Variants in CFAP54 observed in about 807,000 individuals in gnomAD.
CFAP54 encodes cilia- and flagella-associated protein 54.
Under a neutral mutation model 370.4 loss-of-function variants are expected in CFAP54, and 290 were observed. That is an observed-to-expected ratio of 0.78 (90% confidence interval 0.71 to 0.86). The LOEUF (loss-of-function observed/expected upper bound fraction) is 0.86. Ranked by LOEUF, CFAP54 falls within the 40% of genes least tolerant of loss-of-function variation. The pLI is 0.00. For missense variants in CFAP54, 3,399 were observed against 3,528.7 expected, an observed-to-expected ratio of 0.96 and a Z score of 0.93; for synonymous variants, 1,206 against 1,236.5, an observed-to-expected ratio of 0.98 and a Z score of 0.52.
intron 55 of CFAP54, among the ~76,000 whole-genome samples, chr12:96,749,256 C>T (rs1282555323): frequency 1.3e-5 from 2 of 152,144 alleles, no homozygotes; most frequent in African/African-American, 4.8e-5. Flanking sequence ...AAGGGGCAGA[C>T]AGGCTTTCTC....
intron 55 of CFAP54, among the ~76,000 whole-genome samples, chr12:96,744,485 T>G (rs2136644972): frequency 6.6e-6 from 1 of 152,326 alleles, no homozygotes; most frequent in African/African-American, 2.4e-5. Context: ...TCAGTAACTT[T>G]ACTGAAAAAA....
At chr12:96,645,389 C>A (rs1004156561) in intron 33 of CFAP54, 9 of 291,218 alleles carry the variant, frequency 3.1e-5, no homozygotes, top group African/African-American at 2.0e-4. Context: ...ATCCAACTTA[C>A]AAGGGATGTG....
chr12:96,744,943 T>C (rs912579327), intron 55 of CFAP54, among the ~76,000 whole-genome samples: 1 of 152,186 alleles, frequency 6.6e-6, no homozygotes, highest in African/African-American at 2.4e-5. Context: ...AGTGAGAACA[T>C]GTGGTGTTTG....
intron 67 of CFAP54, among the ~76,000 whole-genome samples, chr12:96,861,988 A>G (rs1302978774): frequency 1.3e-5 from 2 of 152,186 alleles, no homozygotes; most frequent in Non-Finnish European, 2.9e-5. Flanking sequence ...ATCATCCTCT[A>G]TTCTGAATTT....
intron 56 of CFAP54, 55 bp downstream of exon 56, chr12:96,753,953 G>T: frequency 9.0e-6 from 14 of 1,553,924 alleles, no homozygotes; most frequent in Non-Finnish European, 1.1e-5. Context: ...TCTTTTTTCT[G>T]TCAACAACAG....
At chr12:96,588,437 TTAACC>T (rs1956093193) in intron 22 of CFAP54, among the ~76,000 whole-genome samples, 1 of 152,360 alleles carries the variant, frequency 6.6e-6, no homozygotes, top group Admixed American at 6.5e-5. Flanking sequence ...TTTTATGCCT[TTAACC>T]TAATTCCAGT....
intron 42 of CFAP54, among the ~76,000 whole-genome samples, chr12:96,687,618 G>T (rs1957342875): frequency 6.6e-6 from 1 of 152,138 alleles, no homozygotes; most frequent in Non-Finnish European, 1.5e-5. Context: ...TTTCAGATTA[G>T]CATCTTCAGT....
At chr12:96,811,715 C>A (rs756289876) in intron 63 of CFAP54, 21 bp from the exon 64 acceptor site, 6 of 1,256,704 alleles carry the variant, frequency 4.8e-6, no homozygotes, top group Non-Finnish European at 6.5e-6. Context: ...ACATTTTATA[C>A]CCCTTTTATT....
chr12:96,751,156 G>T (rs1332222917), intron 55 of CFAP54, among the ~76,000 whole-genome samples: 2 of 152,090 alleles, frequency 1.3e-5, no homozygotes, highest in Non-Finnish European at 2.9e-5. Context: ...ACATGAAAAA[G>T]TAGATTACTG....
intron 22 of CFAP54, among the ~76,000 whole-genome samples, chr12:96,582,864 G>T (rs1956044520): frequency 6.6e-6 from 1 of 152,106 alleles, no homozygotes; most frequent in African/African-American, 2.4e-5. Context: ...CTAAAGCAAA[G>T]CTTTCTCACT....
At chr12:96,577,877 A>G (rs1045395355) in intron 20 of CFAP54, among the ~76,000 whole-genome samples, 27 of 152,070 alleles carry the variant, frequency 1.8e-4, no homozygotes, top group African/African-American at 6.0e-4. Flanking sequence ...CCTGGCCAAC[A>G]TGGTAAAACC....
chr12:96,747,300 A>G (rs919269360), intron 55 of CFAP54, among the ~76,000 whole-genome samples: 1 of 152,216 alleles, frequency 6.6e-6, no homozygotes, highest in Non-Finnish European at 1.5e-5. Flanking sequence ...CATTGTATAC[A>G]TCAAAATATC....
At chr12:96,650,803 C>T (rs543794057) in intron 35 of CFAP54, among the ~76,000 whole-genome samples, 1 of 152,284 alleles carries the variant, frequency 6.6e-6, no homozygotes, top group South Asian at 2.1e-4. Flanking sequence ...ACCTGGATCA[C>T]CTGCTTTGAC....
chr12:96,519,850 A>G (rs1955283381), intron 6 of CFAP54, among the ~76,000 whole-genome samples: 1 of 152,206 alleles, frequency 6.6e-6, no homozygotes, highest in South Asian at 2.1e-4. Flanking sequence ...TATGATCACC[A>G]TGCTGTGCAA....
chr12:96,753,156 A>G (rs1172234955), intron 55 of CFAP54, among the ~76,000 whole-genome samples: 2 of 152,230 alleles, frequency 1.3e-5, no homozygotes, highest in Admixed American at 6.5e-5. Flanking sequence ...GGGGTCACAC[A>G]GATAAAGTCT....
At chr12:96,804,961 C>G (rs1958862009) in intron 63 of CFAP54, among the ~76,000 whole-genome samples, 1 of 152,050 alleles carries the variant, frequency 6.6e-6, no homozygotes, top group African/African-American at 2.4e-5. Flanking sequence ...ACCAACTGGT[C>G]TTTGACAAAG....
chr12:96,609,166 G>A (rs937006099), intron 26 of CFAP54, among the ~76,000 whole-genome samples: 29 of 152,166 alleles, frequency 1.9e-4, no homozygotes, highest in African/African-American at 7.0e-4. Context: ...AATCAGAACA[G>A]AGAGTGTTTA....
At chr12:96,696,147 G>C (rs184482334) in intron 45 of CFAP54, among the ~76,000 whole-genome samples, 44 of 152,318 alleles carry the variant, frequency 2.9e-4, no homozygotes, top group Admixed American at 1.4e-3. Flanking sequence ...AGATAGGTGA[G>C]AAAATATTGA....
intron 32 of CFAP54, among the ~76,000 whole-genome samples, chr12:96,634,698 A>G (rs149838395): frequency 2.0e-5 from 3 of 152,156 alleles, no homozygotes; most frequent in African/African-American, 7.2e-5. Context: ...TTCCCCTGCT[A>G]AGTTTTATGG....
Sources: allele counts gnomAD v4.1 joint callset (sites outside exome capture counted in the v4.1 genomes callset), GRCh38; gene constraint gnomAD v4.1.1; transcripts MANE v1.5; gene names NCBI Gene and HGNC (gene_info 2026-07-23, HGNC 2026-07-21).